PSMC5: variants seen among roughly 807,000 people sequenced by gnomAD.
PSMC5 encodes proteasome 26S subunit, ATPase 5, also known as 26S proteasome regulatory subunit 8.
A neutral mutation model predicts 49.1 loss-of-function variants in PSMC5; 11 were observed. That is an observed-to-expected ratio of 0.22 (90% CI 0.14 to 0.37). The LOEUF (loss-of-function observed/expected upper bound fraction) is 0.37. PSMC5 is among the 10% of genes least tolerant of loss of function. The probability of loss-of-function intolerance (pLI) is 1.00; values close to 1 mark genes in which losing one functional copy is unlikely to be tolerated. For synonymous variants in PSMC5, 206 were observed against 192.2 expected (o/e 1.07, Z -0.59); for missense variants, 229 against 520.9 (o/e 0.44, Z 5.45).
chr17:63,828,164 C>T lies in PSMC5; in HGVS notation c.51C>T (p.Gly17=), dbSNP rs1163902934. 1 of 1,614,020 alleles carries T rather than the reference C, an allele frequency of 6.2e-7. No homozygotes were observed. Among genetic ancestry groups the T allele is most frequent in the African/African-American group, 1.3e-5 (1 of 74,922 alleles). Residue 17 remains glycine (G), a synonymous_variant, in exon 2 of 12, where the codon GGC becomes GGT. Coordinates refer to ENST00000310144, the MANE Select transcript of PSMC5 (RefSeq NM_002805.6). Reference sequence around the variant, plus strand: ...TGGAGCTGGAGGAGGGGAAGGCAGGCAGCGGACTCCGCCAATATTATCTGT... The same window carrying T: ...TGGAGCTGGAGGAGGGGAAGGCAGGTAGCGGACTCCGCCAATATTATCTGT... ...EQMELEEGKA[G]SGLRQYYLSK... is the part of the protein sequence containing the mutation.
rs1407025360 is a variant in PSMC5, at chr17:63,831,026, C to T, written c.680-10C>T. The T allele has an allele frequency of 3.8e-6, 6 of 1,587,262 alleles. No homozygotes were observed. The highest frequency in any genetic ancestry group is 1.2e-5 in the South Asian group (1 of 86,192). On this transcript the variant is annotated splice_polypyrimidine_tract_variant and intron_variant, in intron 7 of 11. Coordinates refer to ENST00000310144, the MANE Select transcript of PSMC5 (RefSeq NM_002805.6). This position sits in a 1 kb window ranked among gnomAD's most constrained non-coding sequence, Gnocchi z 6.3. ...ATAAGCTCCCTAACACCAGCTCGGC[C>T]TCCACACAGGGGCAAGAATGGTGAG...
chr17:63,828,808 T>C (rs1322011295), intron 2 of PSMC5: 2 of 154,824 alleles, frequency 1.3e-5, no homozygotes, highest in African/African-American at 4.8e-5. Flanking sequence ...AGTCTGTTAG[T>C]GTTACGTTAT....
chr17:63,831,652 A>G lies in PSMC5; in HGVS notation c.1080+36A>G, dbSNP rs1388922716. 1 of 1,613,080 alleles carries G rather than the reference A, an allele frequency of 6.2e-7. No individual in the cohort carries two copies. The highest frequency in any genetic ancestry group is 1.3e-5 in the African/African-American group (1 of 74,912). ...TACCCACTGAAAACAGGGCAGAGGC[A>G]GGAAGCTCTGGGCTCAAGGGCCACA... On this transcript the variant is annotated intron_variant, in intron 10 of 11. Transcript: ENST00000310144. This position sits in a 1 kb window ranked among gnomAD's most constrained non-coding sequence, Gnocchi z 6.3.
rs906549571 is a variant in PSMC5 at position 63,830,352 on chromosome 17, G to A, written c.403G>A (p.Val135Met). Reference protein sequence around the residue: ...KILPNKVDPLVSLMMVEKVPD... With the variant: ...KILPNKVDPLMSLMMVEKVPD... ...CCTGCCCAACAAGGTAGACCCATTAGTGTCACTGATGATGGTGGAGAAAGT... is the reference window on the plus strand; with the variant it reads ...CCTGCCCAACAAGGTAGACCCATTAATGTCACTGATGATGGTGGAGAAAGT... The change falls in exon 6 of 12, where the codon GTG becomes ATG. Residue 135 changes from valine to methionine, a missense_variant. Val to Met is a conservative substitution (Grantham distance 21). Coordinates refer to ENST00000310144, the MANE Select transcript of PSMC5 (RefSeq NM_002805.6). The surrounding 1 kb of genome is among the most constrained non-coding windows in gnomAD (Gnocchi z 4.0). 1 of 1,614,124 alleles carries A rather than the reference G, an allele frequency of 6.2e-7. No individual in the cohort carries two copies. The highest frequency in any genetic ancestry group is 1.3e-5 in the African/African-American group (1 of 74,942).
rs1322229914 is a variant in PSMC5, at chr17:63,830,621, C to A, written c.552+120C>A. ...GCTGCATCTTGCTTGGGCTGGCCCT[C>A]CCCCTGAAAAGAGTGGCTGGGGAAG... On this transcript the variant is annotated intron_variant, in intron 6 of 11. Transcript: ENST00000310144. This position sits in a 1 kb window ranked among gnomAD's most constrained non-coding sequence, Gnocchi z 4.0. 9 of 1,495,152 alleles carry A rather than the reference C, an allele frequency of 6.0e-6. No individual in the cohort carries two copies. The highest frequency in any genetic ancestry group is 2.1e-5 in the Admixed American group (1 of 47,542). 92.6% of individuals were successfully genotyped at this position (1,495,152 alleles called of 1,614,324 possible).
intron 3 of PSMC5, 117 bp downstream of exon 3, chr17:63,829,680 AGTT>A: frequency 8.2e-7 from 1 of 1,223,728 alleles, no homozygotes; most frequent in Non-Finnish European, 1.2e-6. Flanking sequence ...ATCATCTAGT[AGTT>A]TCACATGCAT....
chr17:63,831,139 G>A lies in PSMC5; in HGVS notation c.783G>A (p.Gly261=). The A allele has an allele frequency of 1.3e-6, 2 of 1,566,462 alleles. No homozygotes were observed. The highest frequency in any genetic ancestry group is 1.7e-6 in the Non-Finnish European group (2 of 1,155,814). The change falls in exon 8 of 12, where the codon GGG becomes GGA. Residue 261 remains glycine, a synonymous_variant. Transcript: ENST00000310144. This position sits in a 1 kb window ranked among gnomAD's most constrained non-coding sequence, Gnocchi z 6.3. ...IDSIGSSRLE[G]GSGGDSEVQR... ...CCATCGGCTCCTCGCGGCTGGAGGG[G>A]GGTTCTGGAGGGGACAGTGAAGTGC... is the stretch of plus-strand genomic sequence containing the variant.
intron 2 of PSMC5, chr17:63,828,593 G>T (rs2040141459): frequency 5.1e-6 from 1 of 196,630 alleles, no homozygotes. Flanking sequence ...AGAATGTGAG[G>T]AAGGGCATCA....
chr17:63,830,543 C>CT lies in PSMC5; in HGVS notation c.552+43dup, dbSNP rs2040170386. 3 of 1,603,202 alleles carry CT rather than the reference C, an allele frequency of 1.9e-6. No homozygotes were observed. The African/African-American group carries it at 4.0e-5, about 21-fold the overall frequency. ...CTCTGAGAGGGCCAAGCTGTACTTA[C>CT]TCCTCCTGCCCCAGCCAGCCCTACT... On this transcript the variant is annotated intron_variant, in intron 6 of 11. Coordinates refer to ENST00000310144, the MANE Select transcript of PSMC5 (RefSeq NM_002805.6). The surrounding 1 kb of genome is among the most constrained non-coding windows in gnomAD (Gnocchi z 4.0).
chr17:63,829,201 T>G, intron 2 of PSMC5: 1 of 336,574 alleles, frequency 3.0e-6, no homozygotes, highest in Admixed American at 4.4e-5. Flanking sequence ...GTTGTTGCCT[T>G]CCTGCAAGAA....
At chr17:63,828,265 A>T in intron 2 of PSMC5, 56 bp downstream of exon 2, 2 of 1,544,378 alleles carry the variant, frequency 1.3e-6, no homozygotes, top group Non-Finnish European at 1.8e-6. Context: ...ATGGAAACGG[A>T]CTTCCACAAA....
At position 63,830,680 on chromosome 17, in the gene PSMC5, G is replaced by A; in HGVS notation, c.553-129G>A. The A allele has an allele frequency of 7.0e-7, 1 of 1,423,532 alleles. No homozygotes were observed. The highest frequency in any genetic ancestry group is 1.7e-5 in the African/African-American group (1 of 59,630). The allele number at this position is 1,423,532 out of a possible 1,614,324, so 88.2% of individuals were successfully genotyped here. ...GGGCGGTGAGGTGGTTTGGATAGAA[G>A]GGACCTTGATGTTCCTTTTTTTTTT... is the stretch of plus-strand genomic sequence containing the variant. On this transcript the variant is annotated intron_variant, in intron 6 of 11. Coordinates refer to ENST00000310144, the MANE Select transcript of PSMC5 (RefSeq NM_002805.6). The surrounding 1 kb of genome is among the most constrained non-coding windows in gnomAD (Gnocchi z 4.0).
chr17:63,828,459 A>T (rs191032011), intron 2 of PSMC5: 1 of 371,052 alleles, frequency 2.7e-6, no homozygotes, highest in South Asian at 4.8e-5. Context: ...CTTAATAGTA[A>T]AGGTACCTCT....
Position 63,829,904 on chromosome 17 carries a change from G to T in PSMC5, c.219G>T (p.Val73=), listed in dbSNP as rs776200204. ...TGCTGCAGGAGCAGGGCTCCTATGT[G>T]GGGGAAGTAGTCCGGGCCATGGATA... ...LQLLQEQGSY[V]GEVVRAMDKK... is the part of the protein sequence containing the mutation. The change falls in exon 4 of 12, where the codon GTG becomes GTT. Residue 73 remains valine, a synonymous_variant. Coordinates refer to ENST00000310144, the MANE Select transcript of PSMC5 (RefSeq NM_002805.6). 3.7e-5 allele frequency: 59 copies of T among 1,613,578 alleles called. No homozygotes were observed. The African/African-American group carries it at 6.5e-4, about 18-fold the overall frequency.
chr17:63,830,287 G>A lies in PSMC5; in HGVS notation c.338G>A (p.Arg113Gln), dbSNP rs1739392053. 1.2e-6 allele frequency: 2 copies of A among 1,614,024 alleles called. No homozygotes were observed. Among genetic ancestry groups the A allele is most frequent in the African/African-American group, 1.3e-5 (1 of 74,884 alleles). ...IDINDVTPNC[R>Q]VALRNDSYTL... ...TTCACCCAGGTGACACCCAATTGCC[G>A]GGTGGCTCTAAGGAATGACAGCTAC... Residue 113 changes from arginine to glutamine, a missense_variant, in exon 6 of 12, where the codon CGG becomes CAG. Arg to Gln is a conservative substitution (Grantham distance 43). This residue lies in a region of PSMC5 where 98 missense variants were observed against 144.0 expected (regional missense o/e 0.68). Coordinates refer to ENST00000310144, the MANE Select transcript of PSMC5 (RefSeq NM_002805.6). This position sits in a 1 kb window ranked among gnomAD's most constrained non-coding sequence, Gnocchi z 4.0.
Position 63,831,694 on chromosome 17 carries a change from G to A in PSMC5, c.1081-30G>A. Reference sequence around the variant, plus strand: ...AGGGCCACAGATGAGGGGCACAGCAGTGGGGCCTCAATTTCCTTTTCCTGT... The same window carrying A: ...AGGGCCACAGATGAGGGGCACAGCAATGGGGCCTCAATTTCCTTTTCCTGT... On this transcript the variant is annotated intron_variant, in intron 10 of 11. Transcript: ENST00000310144. The surrounding 1 kb of genome is among the most constrained non-coding windows in gnomAD (Gnocchi z 6.3). The A allele has an allele frequency of 6.2e-7, 1 of 1,614,042 alleles. No homozygotes were observed. Among genetic ancestry groups the A allele is most frequent in the Non-Finnish European group, 8.5e-7 (1 of 1,179,866 alleles).
In PSMC5 at chr17:63,831,882, G is replaced by C; in HGVS notation, c.1168-34G>C. Reference sequence around the variant, plus strand: ...AGTGGGCTAGGGCATGTGTGTGTTCGTAACTTAATGTTCATTCTCTCTCCC... The same window carrying C: ...AGTGGGCTAGGGCATGTGTGTGTTCCTAACTTAATGTTCATTCTCTCTCCC... On this transcript the variant is annotated intron_variant, in intron 11 of 11. Coordinates refer to ENST00000310144, the MANE Select transcript of PSMC5 (RefSeq NM_002805.6). This position sits in a 1 kb window ranked among gnomAD's most constrained non-coding sequence, Gnocchi z 6.3. 5 of 1,612,848 alleles carry C rather than the reference G, an allele frequency of 3.1e-6. No individual in the cohort carries two copies. The highest frequency in any genetic ancestry group is 4.2e-6 in the Non-Finnish European group (5 of 1,178,862).
chr17:63,829,934 G>A lies in PSMC5; in HGVS notation c.249G>A (p.Lys83=), dbSNP rs2040161844. ...VGEVVRAMDK[K]KVLVKVHPEG... is the part of the protein sequence containing the mutation. ...AAGTAGTCCGGGCCATGGATAAGAA[G>A]AAAGTGTTGGTCAAGGTAAAAGCAG... Residue 83 remains lysine, a synonymous_variant, in exon 4 of 12, where the codon AAG becomes AAA. Transcript: ENST00000310144. 1.9e-6 allele frequency: 3 copies of A among 1,610,914 alleles called. No homozygotes were observed. Among genetic ancestry groups the A allele is most frequent in the Non-Finnish European group, 2.5e-6 (3 of 1,178,508 alleles).
In PSMC5 at chr17:63,830,004, T is replaced by C. The variant is rs1408382021; in HGVS notation, c.264+55T>C. ...TCGGTCTCCACTGCATTCCCACCCC[T>C]TTGTGTGTAGCCTCGGGAGACAGGG... On this transcript the variant is annotated intron_variant, in intron 4 of 11. Transcript: ENST00000310144. The surrounding 1 kb of genome is among the most constrained non-coding windows in gnomAD (Gnocchi z 4.0). 1.3e-6 allele frequency: 2 copies of C among 1,570,066 alleles called. No homozygotes were observed. Among genetic ancestry groups the C allele is most frequent in the Admixed American group, 3.5e-5 (2 of 57,132 alleles).
Sources: gnomAD v4.1 joint callset for allele counts on GRCh38, gnomAD v4.1.1 for gene constraint, gnomAD v4.1.1 regional missense constraint, Gnocchi (gnomAD v3.1) non-coding constraint, MANE v1.5 for transcripts, NCBI Gene and HGNC (gene_info 2026-07-23, HGNC 2026-07-21) for gene names.